NOL4L: variants seen among roughly 807,000 people sequenced by gnomAD.
The protein encoded by NOL4L is nucleolar protein 4-like.
In NOL4L, 7 loss-of-function variants were observed where a neutral mutation model predicts 64.5. That is an observed-to-expected ratio of 0.11 (90% CI 0.06 to 0.20). NOL4L has a LOEUF of 0.20. NOL4L is among the 10% of genes least tolerant of loss of function. NOL4L has a pLI of 1.00. For missense variants in NOL4L, 680 were observed against 967.1 expected (o/e 0.70, Z 3.94); for synonymous variants, 413 against 401.0 (o/e 1.03, Z -0.36).
In NOL4L at chr20:32,490,142, A is replaced by T. The variant is rs1245418387; in HGVS notation, c.700-15400T>A. Among the ~76,000 whole-genome samples the T allele has an allele frequency of 2.8e-3, 413 of 146,612 alleles. 8 individuals carry two copies. Among genetic ancestry groups the T allele is most frequent in the African/African-American group, 9.7e-3 (373 of 38,556 alleles). ...AGACTCCATCTCAAAAAAAAAAAAA[A>T]AAATATATATACACATATATATATG... On this transcript the variant is annotated intron_variant, in intron 4 of 10. Coordinates refer to ENST00000621426, the MANE Select transcript of NOL4L (RefSeq NM_001256798.2).
rs548375554 is a variant in NOL4L, at chr20:32,463,026, C to T, written c.842-6631G>A. The stretch of plus-strand genomic sequence containing the variant: ...CTGGTGTAGGGTCCTGCAGTCTGGG[C>T]GACCTTGGGCACTGCCACCTCCTGG... On this transcript the variant is annotated intron_variant, in intron 5 of 10. Coordinates refer to ENST00000621426, the MANE Select transcript of NOL4L (RefSeq NM_001256798.2). This position sits in a 1 kb window ranked among gnomAD's most constrained non-coding sequence, Gnocchi z 5.8. Among the ~76,000 whole-genome samples, 88 of 151,832 alleles carry T rather than the reference C, an allele frequency of 5.8e-4. No homozygotes were observed. Among genetic ancestry groups the T allele is most frequent in the Non-Finnish European group, 8.5e-4 (58 of 67,954 alleles).
At chr20:32,508,673 A>C (rs1294930337) in intron 4 of NOL4L, among the ~76,000 whole-genome samples, 1 of 150,362 alleles carries the variant, frequency 6.7e-6, no homozygotes, top group Non-Finnish European at 1.5e-5. Context: ...ATCCAGCCCC[A>C]CTGTAAGCAG....
chr20:32,539,811 G>A (rs1033993589), intron 1 of NOL4L, among the ~76,000 whole-genome samples: 4 of 152,196 alleles, frequency 2.6e-5, no homozygotes, highest in African/African-American at 7.2e-5. Flanking sequence ...TTACAAGACC[G>A]CCCACCCATC....
At chr20:32,564,302 C>T (rs1277953593) in intron 1 of NOL4L, among the ~76,000 whole-genome samples, 2 of 152,214 alleles carry the variant, frequency 1.3e-5, no homozygotes, top group African/African-American at 4.8e-5. Flanking sequence ...TTCCCACGAA[C>T]GTTCCAGCAT....
intron 1 of NOL4L, among the ~76,000 whole-genome samples, chr20:32,530,225 C>A (rs2018293149): frequency 6.6e-6 from 1 of 152,194 alleles, no homozygotes; most frequent in Admixed American, 6.5e-5. Flanking sequence ...TGAAAATAAA[C>A]AAAATGAACC....
intron 9 of NOL4L, 75 bp downstream of exon 9, chr20:32,452,809 A>G: frequency 6.3e-7 from 1 of 1,584,188 alleles, no homozygotes; most frequent in Non-Finnish European, 8.6e-7. Flanking sequence ...CAGCTCCCTC[A>G]GTCCACACCC....
intron 4 of NOL4L, among the ~76,000 whole-genome samples, chr20:32,492,395 G>T (rs1386628617): frequency 6.6e-6 from 1 of 152,226 alleles, no homozygotes; most frequent in Non-Finnish European, 1.5e-5. Context: ...TAGAAGTCAG[G>T]TCAGTGGTCA....
At chr20:32,474,063 C>T (rs961568575) in intron 5 of NOL4L, among the ~76,000 whole-genome samples, 31 of 152,220 alleles carry the variant, frequency 2.0e-4, no homozygotes, top group Non-Finnish European at 4.4e-4. Flanking sequence ...CCTGGCAGGC[C>T]CTGCGCGGAG....
intron 5 of NOL4L, among the ~76,000 whole-genome samples, chr20:32,471,546 C>A (rs566596473): frequency 6.6e-6 from 1 of 152,300 alleles, no homozygotes; most frequent in African/African-American, 2.4e-5. Flanking sequence ...AAATCCACAG[C>A]TGTAGATCTG....
chr20:32,499,929 G>A (rs1464296073), intron 4 of NOL4L, among the ~76,000 whole-genome samples: 1 of 151,916 alleles, frequency 6.6e-6, no homozygotes, highest in East Asian at 1.9e-4. Context: ...GAGCCCAGTG[G>A]ACCAAACAGA....
intron 1 of NOL4L, chr20:32,533,408 C>A (rs1341308199): frequency 6.6e-6 from 1 of 152,126 alleles, no homozygotes. Context: ...TTAACAGGCC[C>A]CCCCAGATGA....
chr20:32,555,577 G>T, intron 1 of NOL4L, among the ~76,000 whole-genome samples: 1 of 151,988 alleles, frequency 6.6e-6, no homozygotes, highest in Non-Finnish European at 1.5e-5. Context: ...GGATGTCACA[G>T]GAGTGATAAT....
intron 3 of NOL4L, among the ~76,000 whole-genome samples, chr20:32,511,936 G>GT (rs1212624237): frequency 6.6e-6 from 1 of 152,124 alleles, no homozygotes; most frequent in Non-Finnish European, 1.5e-5. Flanking sequence ...AGGCCAGGTG[G>GT]TCAAGGCTGC....
chr20:32,523,395 AACCCTCC>A (rs1435233273), intron 2 of NOL4L, among the ~76,000 whole-genome samples: 1 of 152,040 alleles, frequency 6.6e-6, no homozygotes, highest in African/African-American at 2.4e-5. Context: ...GAGGATGACA[AACCCTCC>A]CCCTGCAACC....
At chr20:32,511,537 T>G (rs2017405946) in intron 3 of NOL4L, 81 bp from the exon 4 acceptor site, 2 of 999,020 alleles carry the variant, frequency 2.0e-6, no homozygotes, top group East Asian at 5.3e-5. Flanking sequence ...ACAGAGCCCG[T>G]GGAAGAGGAA....
At chr20:32,551,471 CA>C (rs1208020023) in intron 1 of NOL4L, among the ~76,000 whole-genome samples, 3 of 152,054 alleles carry the variant, frequency 2.0e-5, no homozygotes, top group Non-Finnish European at 4.4e-5. Context: ...CATTGTTGAC[CA>C]AAATGTCTTT....
At position 32,500,564 on chromosome 20, in the gene NOL4L, A is replaced by T. The variant is rs1468888392; in HGVS notation, c.699+10783T>A. 6.3e-5 allele frequency among the ~76,000 whole-genome samples: 9 copies of T among 141,746 alleles called. No individual in the cohort carries two copies. The Admixed American group carries it at 6.5e-4, about 10-fold the overall frequency. 93.0% of individuals were successfully genotyped at this position (141,746 alleles called of 152,430 possible). ...TTTTTTTTTTTTTTTTTTACTAGAG[A>T]CATGGTTTCATCGTGTTAGCCAGGA... On this transcript the variant is annotated intron_variant, in intron 4 of 10. Coordinates refer to ENST00000621426, the MANE Select transcript of NOL4L (RefSeq NM_001256798.2).
intron 4 of NOL4L, chr20:32,485,738 C>G: frequency 6.4e-6 from 3 of 470,682 alleles, no homozygotes; most frequent in Non-Finnish European, 1.3e-5. Flanking sequence ...AATGTGTTTC[C>G]AAACGCGGGA....
chr20:32,459,674 C>T (rs1217131018), intron 5 of NOL4L, among the ~76,000 whole-genome samples: 6 of 152,118 alleles, frequency 3.9e-5, no homozygotes, highest in Non-Finnish European at 8.8e-5. Flanking sequence ...CATGGGCCAC[C>T]GTGCCCAGCC....
Sources: gnomAD v4.1 joint callset for allele counts (sites outside exome capture counted in the v4.1 genomes callset) on GRCh38, gnomAD v4.1.1 for gene constraint, Gnocchi (gnomAD v3.1) non-coding constraint, MANE v1.5 for transcripts, NCBI Gene and HGNC (gene_info 2026-07-23, HGNC 2026-07-21) for gene names.